Variants in SRP72 observed in about 807,000 individuals in gnomAD.
The protein encoded by SRP72 is signal recognition particle subunit SRP72.
SRP72 carries 49 observed loss-of-function variants against 96.3 expected under a neutral mutation model. The observed-to-expected ratio is 0.51, with a 90% confidence interval of 0.40 to 0.65. The LOEUF (loss-of-function observed/expected upper bound fraction) is 0.65. SRP72 is among the 30% of genes least tolerant of loss of function. The pLI is 0.00. For synonymous variants in SRP72, 267 were observed against 275.2 expected, an observed-to-expected ratio of 0.97 and a Z score of 0.30; for missense variants, 736 against 793.3, an observed-to-expected ratio of 0.93 and a Z score of 0.87.
chr4:56,467,869 A>G lies in SRP72; in HGVS notation c.109+125A>G, dbSNP rs28718765. ...GGAGACCCCCGAAACCCCCCCGTCT[A>G]TTGTCCGCCCGGCTCGGGCCCTAGC... On this transcript the variant is annotated intron_variant, in intron 1 of 18. Coordinates refer to ENST00000642900, the MANE Select transcript of SRP72 (RefSeq NM_006947.4). The G allele has an allele frequency of 1.8e-3, 1,707 of 971,954 alleles. 19 individuals carry two copies. In the African/African-American group the frequency reaches 0.023, roughly 13 times the overall value. 60.2% of individuals were successfully genotyped at this position (971,954 alleles called of 1,614,324 possible). A position where few individuals can be genotyped will look rare whatever the true frequency, so the allele number is the denominator to read the frequency against.
intron 2 of SRP72, 22 bp from the exon 3 acceptor site, chr4:56,471,698 C>T: frequency 6.2e-7 from 1 of 1,610,148 alleles, no homozygotes; most frequent in Non-Finnish European, 8.5e-7. Context: ...TAATCAGATA[C>T]TGTTTTTTTT....
intron 18 of SRP72, 47 bp downstream of exon 18, chr4:56,500,742 T>A: frequency 6.5e-7 from 1 of 1,549,214 alleles, no homozygotes; most frequent in Non-Finnish European, 8.7e-7. Context: ...ATACGTTGTT[T>A]CTAGATTGAC....
intron 12 of SRP72, 128 bp from the exon 13 acceptor site, chr4:56,489,260 A>G: frequency 2.2e-6 from 1 of 453,216 alleles, no homozygotes; most frequent in Non-Finnish European, 4.0e-6. Context: ...TAAAGGGAGT[A>G]GCTTTTATGA....
intron 18 of SRP72, among the ~76,000 whole-genome samples, chr4:56,501,429 T>C (rs1274749271): frequency 6.6e-6 from 1 of 151,784 alleles, no homozygotes; most frequent in Non-Finnish European, 1.5e-5. Context: ...AGACTCTGTC[T>C]CAAAAAAATA....
intron 16 of SRP72, among the ~76,000 whole-genome samples, chr4:56,494,469 A>G (rs4864585): frequency 0.19 from 28,727 of 150,316 alleles, 3,168 homozygotes; most frequent in Admixed American, 0.35. Flanking sequence ...CAGTGGCGCA[A>G]TCTCGCTCAC....
chr4:56,469,296 T>A (rs1490986145), intron 1 of SRP72, among the ~76,000 whole-genome samples: 1 of 152,226 alleles, frequency 6.6e-6, no homozygotes, highest in Non-Finnish European at 1.5e-5. Context: ...TTTTTCCCTG[T>A]GAAGTAATGA....
intron 12 of SRP72, among the ~76,000 whole-genome samples, 174 bp downstream of exon 12, chr4:56,488,187 G>T (rs1174691776): frequency 6.6e-6 from 1 of 152,052 alleles, no homozygotes; most frequent in Non-Finnish European, 1.5e-5. Context: ...TCTGGTATTG[G>T]TTTCTTATTC....
chr4:56,483,940 A>G (rs1299389405), intron 9 of SRP72, among the ~76,000 whole-genome samples: 1 of 151,904 alleles, frequency 6.6e-6, no homozygotes, highest in Non-Finnish European at 1.5e-5. Context: ...ATGTTAAGGA[A>G]GTCAATTCTA....
rs552517317 is a variant in SRP72, at chr4:56,501,957, T to C, written c.*96T>C. On this transcript the variant is annotated 3_prime_UTR_variant, in exon 19 of 19. Transcript: ENST00000642900. ...CAGCAAGAAGCACAGAACTACTCCC[T>C]CTTCATCTCCATATTTTCATAATTT... The C allele has an allele frequency of 2.3e-5, 28 of 1,205,742 alleles. No homozygotes were observed. In the African/African-American group the frequency reaches 2.6e-4, roughly 11 times the overall value. 74.7% of individuals were successfully genotyped at this position (1,205,742 alleles called of 1,614,324 possible).
rs1369109338 is a variant in SRP72 at position 56,495,374 on chromosome 4, A to C, written c.1658A>C (p.Lys553Thr). 6.7e-7 allele frequency: 1 copy of C among 1,492,604 alleles called. No homozygotes were observed. The highest frequency in any genetic ancestry group is 1.4e-5 in the African/African-American group (1 of 72,218). 92.5% of individuals were successfully genotyped at this position (1,492,604 alleles called of 1,614,324 possible). A position where few individuals can be genotyped will look rare whatever the true frequency, so the allele number is the denominator to read the frequency against. ...PKEQGQGDLK[K>T]KKKKKKGKLP... ...CTTTGTAGACAGGGAGATTTGAAAA[A>C]GAAGAAAAAGAAAAAGAAGGGTAAG... The change falls in exon 17 of 19, where the codon AAG (lysine) becomes ACG (threonine). Residue 553 changes from lysine (K) to threonine (T), a missense_variant. By Grantham distance (78) the Lys-to-Thr change is moderately conservative (BLOSUM62 -1). Coordinates refer to ENST00000642900, the MANE Select transcript of SRP72 (RefSeq NM_006947.4).
At chr4:56,494,178 A>ACT (rs56281469) in intron 16 of SRP72, among the ~76,000 whole-genome samples, 49,725 of 151,766 alleles carry the variant, frequency 0.33, 8,452 homozygotes, top group East Asian at 0.46. Context: ...ACTATTGCAC[A>ACT]CTGGGTAAGA....
intron 6 of SRP72, among the ~76,000 whole-genome samples, chr4:56,477,733 G>A (rs1485093811): frequency 6.6e-6 from 1 of 152,150 alleles, no homozygotes; most frequent in Non-Finnish European, 1.5e-5. Flanking sequence ...GGTCATTAAA[G>A]GACTGTTGTC....
At chr4:56,480,507 G>C (rs1275600371) in intron 8 of SRP72, among the ~76,000 whole-genome samples, 1 of 152,094 alleles carries the variant, frequency 6.6e-6, no homozygotes, top group Non-Finnish European at 1.5e-5. Context: ...TGATCCTCCT[G>C]CCTCAGCCTC....
chr4:56,499,797 G>A (rs1185379541), intron 17 of SRP72, among the ~76,000 whole-genome samples: 1 of 152,212 alleles, frequency 6.6e-6, no homozygotes, highest in Non-Finnish European at 1.5e-5. Context: ...CATTGTGGAA[G>A]ACAGTGTGGC....
chr4:56,476,423 T>TA (rs1287320508), intron 5 of SRP72: 1 of 494,014 alleles, frequency 2.0e-6, no homozygotes, highest in Admixed American at 4.1e-5. Context: ...TTGTATTTTT[T>TA]AATGCACTTT....
At chr4:56,486,115 G>C (rs1720700385) in intron 10 of SRP72, 1 of 440,472 alleles carries the variant, frequency 2.3e-6, no homozygotes, top group African/African-American at 2.0e-5. Flanking sequence ...CAGAAAACTT[G>C]ACTTCATTGC....
intron 5 of SRP72, 37 bp from the exon 6 acceptor site, chr4:56,476,634 C>T (rs747508389): frequency 1.2e-6 from 2 of 1,607,796 alleles, no homozygotes; most frequent in Non-Finnish European, 8.5e-7. Context: ...GGGATTTACC[C>T]AGCAATACTA....
At chr4:56,485,559 G>C (rs563970272) in intron 10 of SRP72, among the ~76,000 whole-genome samples, 1 of 152,242 alleles carries the variant, frequency 6.6e-6, no homozygotes, top group South Asian at 2.1e-4. Context: ...CCAGCACTTT[G>C]GGAGGCCCAA....
chr4:56,493,820 C>G (rs950797872), intron 16 of SRP72, among the ~76,000 whole-genome samples: 1 of 152,054 alleles, frequency 6.6e-6, no homozygotes, highest in Non-Finnish European at 1.5e-5. Context: ...GAGCCAAGAT[C>G]TCACCACTGC....
Sources: gnomAD v4.1 joint callset for allele counts (sites outside exome capture counted in the v4.1 genomes callset) on GRCh38, gnomAD v4.1.1 for gene constraint, MANE v1.5 for transcripts, NCBI Gene and HGNC (gene_info 2026-07-23, HGNC 2026-07-21) for gene names.